Variants in SYCP2L observed in about 807,000 individuals in gnomAD.
SYCP2L encodes synaptonemal complex protein 2-like.
A neutral mutation model predicts 125.8 loss-of-function variants in SYCP2L; 98 were observed. That is an observed-to-expected ratio of 0.78 (90% confidence interval 0.66 to 0.92). SYCP2L has a LOEUF of 0.92. Ranked by LOEUF, SYCP2L falls within the 40% of genes least tolerant of loss-of-function variation. The probability of loss-of-function intolerance (pLI) is 0.00; values close to 1 mark genes in which losing one functional copy is unlikely to be tolerated. For missense variants in SYCP2L, 842 were observed against 936.4 expected, an observed-to-expected ratio of 0.90 and a Z score of 1.32; for synonymous variants, 317 against 325.4, an observed-to-expected ratio of 0.97 and a Z score of 0.28.
chr6:10,894,173 C>T lies in SYCP2L; in HGVS notation c.305C>T (p.Pro102Leu), dbSNP rs747148183. Residue 102 changes from proline to leucine, a missense_variant, in exon 4 of 30, where the codon CCT becomes CTT. Pro to Leu is a moderately conservative substitution (Grantham distance 98). Transcript: ENST00000283141. ...GTAGATGGCCTGAAAGAAGATGAAC[C>T]TCTGCTAATTCGGCAGGGACTGATC... ...FLVDGLKEDEPLLIRQGLIPK... is the reference protein window; with the variant it reads ...FLVDGLKEDELLLIRQGLIPK... The T allele has an allele frequency of 3.1e-6, 5 of 1,613,640 alleles. No homozygotes were observed. The South Asian group carries it at 3.3e-5, about 11-fold the overall frequency.
At chr6:10,933,982 A>G (rs1263794638) in intron 20 of SYCP2L, among the ~76,000 whole-genome samples, 2 of 152,206 alleles carry the variant, frequency 1.3e-5, no homozygotes, top group African/African-American at 4.8e-5. Context: ...TAGGATTTTC[A>G]CTAGGATCAT....
chr6:10,914,048 G>A (rs1004704058), intron 14 of SYCP2L, among the ~76,000 whole-genome samples: 2 of 152,056 alleles, frequency 1.3e-5, no homozygotes, highest in Admixed American at 6.5e-5. Context: ...GGTCAGGCTG[G>A]TCTTGAACTC....
rs143822689 is a variant in SYCP2L at position 10,955,284 on chromosome 6, C to A, written c.2056+67C>A. ...ATAAATGGGTCAGCACAGGATGTAA[C>A]AACATGAATCACAAGGGAGGTATAG... On this transcript the variant is annotated intron_variant, in intron 24 of 29. Coordinates refer to ENST00000283141, the MANE Select transcript of SYCP2L (RefSeq NM_001040274.3). 82 of 947,996 alleles carry A rather than the reference C, an allele frequency of 8.6e-5. 1 individual carries two copies. In the Middle Eastern group the frequency reaches 1.1e-3, roughly 12 times the overall value. The allele number at this position is 947,996 out of a possible 1,614,324, so 58.7% of individuals were successfully genotyped here.
intron 4 of SYCP2L, among the ~76,000 whole-genome samples, chr6:10,897,679 T>C (rs1219327803): frequency 6.6e-6 from 1 of 152,212 alleles, no homozygotes; most frequent in Non-Finnish European, 1.5e-5. Flanking sequence ...CTCAAAGTGC[T>C]GGGATTACAG....
intron 14 of SYCP2L, among the ~76,000 whole-genome samples, chr6:10,918,769 C>T (rs959642814): frequency 3.9e-5 from 6 of 152,056 alleles, no homozygotes; most frequent in South Asian, 2.1e-4. Flanking sequence ...CTCCTGACCT[C>T]GTGATCCGCC....
Position 10,927,387 on chromosome 6 carries a change from C to T in SYCP2L, c.1440+20C>T, listed in dbSNP as rs1647551254. Reference sequence around the variant, plus strand: ...AGTCACGTAGGTTCTTTTCTATTTTCCCTAAGCATCGGCCAGGTTGAGAAA... The same window carrying T: ...AGTCACGTAGGTTCTTTTCTATTTTTCCTAAGCATCGGCCAGGTTGAGAAA... On this transcript the variant is annotated intron_variant, in intron 17 of 29. Coordinates refer to ENST00000283141, the MANE Select transcript of SYCP2L (RefSeq NM_001040274.3). 4 of 1,592,854 alleles carry T rather than the reference C, an allele frequency of 2.5e-6. No homozygotes were observed. The highest frequency in any genetic ancestry group is 1.3e-5 in the African/African-American group (1 of 74,314).
intron 21 of SYCP2L, among the ~76,000 whole-genome samples, chr6:10,937,249 T>C (rs1401929817): frequency 6.6e-6 from 1 of 152,200 alleles, no homozygotes; most frequent in Admixed American, 6.5e-5. Flanking sequence ...CAGATGTCTT[T>C]TCTGATCACA....
rs200022322 is a variant in SYCP2L, at chr6:10,898,044, C to G, written c.370C>G (p.Leu124Val). ...VSWFERTTGI[L>V]TSEGLASDTS... ...CTGGTTTGAAAGAACAACAGGAATT[C>G]TGACCTCGGAAGGCCTAGCCTCAGA... Residue 124 changes from leucine (L) to valine (V), a missense_variant, in exon 5 of 30, where the codon CTG becomes GTG. Physicochemically the swap from Leu to Val is conservative, Grantham distance 32 (BLOSUM62 1). Transcript: ENST00000283141. 149 of 1,614,132 alleles carry G rather than the reference C, an allele frequency of 9.2e-5. 4 individuals carry two copies. In the South Asian group the frequency reaches 1.6e-3, roughly 17 times the overall value.
intron 21 of SYCP2L, among the ~76,000 whole-genome samples, chr6:10,939,450 G>C (rs1039866750): frequency 5.9e-5 from 9 of 152,138 alleles, no homozygotes; most frequent in African/African-American, 2.2e-4. Flanking sequence ...AAAGCTGGAG[G>C]CATCACACTT....
At chr6:10,887,190 G>A in intron 1 of SYCP2L, 55 bp downstream of exon 1, 2 of 1,610,210 alleles carry the variant, frequency 1.2e-6, no homozygotes, top group Non-Finnish European at 8.5e-7. Flanking sequence ...GGGCGCGCGA[G>A]GGCGCGGGGT....
chr6:10,908,840 C>G (rs1780554358), intron 10 of SYCP2L, among the ~76,000 whole-genome samples: 1 of 152,164 alleles, frequency 6.6e-6, no homozygotes, highest in Admixed American at 6.5e-5. Flanking sequence ...AGCCCCACCT[C>G]TCCAATTTAT....
chr6:10,920,026 G>A (rs1780765635), intron 14 of SYCP2L, among the ~76,000 whole-genome samples: 1 of 152,152 alleles, frequency 6.6e-6, no homozygotes, highest in South Asian at 2.1e-4. Flanking sequence ...GTAAGGGAGA[G>A]AGTGAGGAAG....
intron 14 of SYCP2L, among the ~76,000 whole-genome samples, chr6:10,921,030 G>C (rs1780791390): frequency 6.6e-6 from 1 of 152,064 alleles, no homozygotes; most frequent in Non-Finnish European, 1.5e-5. Context: ...TGTTCTTCCT[G>C]ATGTTCTCCC....
intron 29 of SYCP2L, among the ~76,000 whole-genome samples, chr6:10,970,625 T>A (rs1414693159): frequency 6.6e-6 from 1 of 152,014 alleles, no homozygotes; most frequent in Non-Finnish European, 1.5e-5. Context: ...CCACTGTCAC[T>A]TAAGGAGGTG....
At chr6:10,910,072 C>T (rs1222212159) in intron 10 of SYCP2L, 76 bp from the exon 11 acceptor site, 1 of 1,209,624 alleles carries the variant, frequency 8.3e-7, no homozygotes, top group East Asian at 2.5e-5. Context: ...AAACACTGGC[C>T]TCTGTATGCT....
chr6:10,928,265 G>A lies in SYCP2L; in HGVS notation c.1441-138G>A, dbSNP rs536181619. The A allele has an allele frequency of 3.0e-5, 15 of 500,258 alleles. No homozygotes were observed. The Admixed American group carries it at 5.7e-4, about 19-fold the overall frequency. 31.0% of individuals were successfully genotyped at this position (500,258 alleles called of 1,614,324 possible). A position where few individuals can be genotyped will look rare whatever the true frequency, so the allele number is the denominator to read the frequency against. ...AAGGCATAGGAAATCACAAGGGGAA[G>A]TGATAAGTGTCCATGAAATCTTCAC... On this transcript the variant is annotated intron_variant, in intron 17 of 29. Transcript: ENST00000283141.
chr6:10,903,608 G>A (rs144816315), intron 8 of SYCP2L, among the ~76,000 whole-genome samples: 1,568 of 151,840 alleles, frequency 0.01, 30 homozygotes, highest in African/African-American at 0.036. Context: ...AAAATTAGCT[G>A]GGCTTGGTGG....
intron 14 of SYCP2L, among the ~76,000 whole-genome samples, chr6:10,913,277 C>T (rs2113324269): frequency 6.6e-6 from 1 of 152,248 alleles, no homozygotes; most frequent in South Asian, 2.1e-4. Context: ...CATCCTAGTT[C>T]CTCTCTTGAT....
chr6:10,930,675 T>C (rs6939928), intron 19 of SYCP2L, among the ~76,000 whole-genome samples, 161 bp downstream of exon 19: 32,483 of 152,208 alleles, frequency 0.21, 4,185 homozygotes, highest in Middle Eastern at 0.35. Context: ...ATGTACTGTG[T>C]ACATGAAACA....
Sources: gnomAD v4.1 joint callset for allele counts (sites outside exome capture counted in the v4.1 genomes callset) on GRCh38, gnomAD v4.1.1 for gene constraint, MANE v1.5 for transcripts, NCBI Gene and HGNC (gene_info 2026-07-23, HGNC 2026-07-21) for gene names.